Variants in CDIN1 observed in about 807,000 individuals in gnomAD.
The protein encoded by CDIN1 is CDAN1-interacting nuclease 1.
Under a neutral mutation model 45.3 loss-of-function variants are expected in CDIN1, and 33 were observed. The observed-to-expected ratio is 0.73, with a 90% CI of 0.55 to 0.97. CDIN1 has a LOEUF of 0.97. CDIN1 is among the 50% of genes least tolerant of loss of function. The pLI is 0.00. For missense variants in CDIN1, 303 were observed against 339.4 expected, an observed-to-expected ratio of 0.89 and a Z score of 0.84; for synonymous variants, 118 against 124.4, an observed-to-expected ratio of 0.95 and a Z score of 0.34.
chr15:36,706,909 T>C (rs945764396), intron 8 of CDIN1: 3 of 152,164 alleles, frequency 2.0e-5, no homozygotes, highest in African/African-American at 7.2e-5. Flanking sequence ...CGTGTACTTG[T>C]ATTTTACTCA....
rs150697415 is a variant in CDIN1 at position 36,638,391 on chromosome 15, T to C, written c.102-5887T>C. ...AATATTGTTTTATAAAATTAACACT[T>C]ACAGAGGGCCCCGGCATCCTCTATA... is the stretch of plus-strand genomic sequence containing the variant. On this transcript the variant is annotated intron_variant, in intron 1 of 10. Coordinates refer to ENST00000566621, the MANE Select transcript of CDIN1 (RefSeq NM_001321759.2). Among the ~76,000 whole-genome samples the C allele has an allele frequency of 2.9e-3, 439 of 152,306 alleles. 3 individuals carry two copies. Among genetic ancestry groups the C allele is most frequent in the African/African-American group, 0.01 (417 of 41,568 alleles).
At chr15:36,598,660 T>G (rs117858412) in intron 1 of CDIN1, among the ~76,000 whole-genome samples, 1,626 of 152,172 alleles carry the variant, frequency 0.011, 16 homozygotes, top group Non-Finnish European at 0.015. Flanking sequence ...GTCTAATCTA[T>G]TTCCCTCCCT....
Position 36,691,682 on chromosome 15 carries a change from C to A in CDIN1, c.347-3C>A. 2 of 1,584,132 alleles carry A rather than the reference C, an allele frequency of 1.3e-6. No homozygotes were observed. The highest frequency in any genetic ancestry group is 1.7e-6 in the Non-Finnish European group (2 of 1,160,094). ...CTAACAGTTCATCTCTTTTCTTCTA[C>A]AGCCTCCAAGTCTATTATAAATAGT... On this transcript the variant is annotated splice_region_variant and splice_polypyrimidine_tract_variant and intron_variant, in intron 5 of 10. Transcript: ENST00000566621.
chr15:36,690,737 G>A (rs780774472), intron 5 of CDIN1, among the ~76,000 whole-genome samples: 2 of 152,112 alleles, frequency 1.3e-5, no homozygotes, highest in African/African-American at 4.8e-5. Flanking sequence ...CAGACCATAA[G>A]CCATTTTGCT....
chr15:36,702,754 C>T (rs953705229), intron 8 of CDIN1, among the ~76,000 whole-genome samples: 1 of 152,054 alleles, frequency 6.6e-6, no homozygotes, highest in Admixed American at 6.6e-5. Flanking sequence ...TCATTAATAT[C>T]TTTTGTCCTT....
chr15:36,737,647 C>T lies in CDIN1; in HGVS notation c.716+27686C>T, dbSNP rs765640165. 7.2e-5 allele frequency among the ~76,000 whole-genome samples: 11 copies of T among 152,266 alleles called. No individual in the cohort carries two copies. In the South Asian group the frequency reaches 2.3e-3, roughly 32 times the overall value. ...TTAATGACTCTTCATCCTTATTAAG[C>T]AGTTATGGGATCAGATCACTGTACC... On this transcript the variant is annotated intron_variant, in intron 10 of 10. Transcript: ENST00000566621.
chr15:36,618,236 G>A, intron 1 of CDIN1: 1 of 674,186 alleles, frequency 1.5e-6, no homozygotes, highest in Non-Finnish European at 2.7e-6. Flanking sequence ...TCATCCAGTG[G>A]TTCAGAACAC....
At chr15:36,707,334 G>C (rs2042904135) in intron 8 of CDIN1, 2 of 152,188 alleles carry the variant, frequency 1.3e-5, no homozygotes, top group South Asian at 4.1e-4. Context: ...ATGTGAGAGA[G>C]AGAAAGAGAG....
chr15:36,658,999 T>C (rs976766767), intron 5 of CDIN1, among the ~76,000 whole-genome samples: 3 of 152,184 alleles, frequency 2.0e-5, no homozygotes, highest in African/African-American at 7.2e-5. Flanking sequence ...AATGGTATGG[T>C]TTCGATTTAA....
At chr15:36,770,541 C>T (rs536696258) in intron 10 of CDIN1, among the ~76,000 whole-genome samples, 11 of 152,008 alleles carry the variant, frequency 7.2e-5, no homozygotes, top group Non-Finnish European at 1.3e-4. Context: ...CTCTCCCTCC[C>T]GAGTTCAAGC....
chr15:36,626,410 G>A (rs1047508541), intron 1 of CDIN1, among the ~76,000 whole-genome samples: 1 of 151,384 alleles, frequency 6.6e-6, no homozygotes, highest in African/African-American at 2.4e-5. Context: ...AATAGTTCTC[G>A]AGGGGAAAAA....
intron 10 of CDIN1, among the ~76,000 whole-genome samples, chr15:36,725,774 A>G (rs921922575): frequency 1.3e-5 from 2 of 152,110 alleles, no homozygotes; most frequent in Non-Finnish European, 2.9e-5. Context: ...TTAGTATATC[A>G]TGGTGGCATG....
intron 3 of CDIN1, among the ~76,000 whole-genome samples, chr15:36,652,377 T>C (rs1017317603): frequency 6.6e-6 from 1 of 152,044 alleles, no homozygotes; most frequent in South Asian, 2.1e-4. Flanking sequence ...CCAATATTGG[T>C]ATAGGCTTAA....
At chr15:36,664,828 G>GC (rs1420332902) in intron 5 of CDIN1, among the ~76,000 whole-genome samples, 1 of 152,232 alleles carries the variant, frequency 6.6e-6, no homozygotes, top group African/African-American at 2.4e-5. Context: ...TTACAGGCCT[G>GC]AGCCACCGCG....
chr15:36,686,203 A>T (rs1426309820), intron 5 of CDIN1, among the ~76,000 whole-genome samples: 1 of 151,934 alleles, frequency 6.6e-6, no homozygotes, highest in African/African-American at 2.4e-5. Flanking sequence ...AATGTGGCAC[A>T]TATACACCAT....
chr15:36,687,846 A>C (rs145034694), intron 5 of CDIN1, among the ~76,000 whole-genome samples: 1 of 152,288 alleles, frequency 6.6e-6, no homozygotes, highest in African/African-American at 2.4e-5. Flanking sequence ...AAAATTGATC[A>C]CATATAAAAA....
At chr15:36,741,210 CTGATGCA>C (rs1194225666) in intron 10 of CDIN1, among the ~76,000 whole-genome samples, 1 of 152,172 alleles carries the variant, frequency 6.6e-6, no homozygotes, top group Non-Finnish European at 1.5e-5. Context: ...CAGAACCACC[CTGATGCA>C]TGACCTCTAC....
At chr15:36,802,495 C>A (rs1227490871) in intron 10 of CDIN1, among the ~76,000 whole-genome samples, 1 of 152,044 alleles carries the variant, frequency 6.6e-6, no homozygotes, top group Non-Finnish European at 1.5e-5. Context: ...CCTCTAAATT[C>A]CTTCATCTGC....
At chr15:36,651,791 C>T (rs1193894580) in intron 3 of CDIN1, among the ~76,000 whole-genome samples, 2 of 152,162 alleles carry the variant, frequency 1.3e-5, no homozygotes, top group Admixed American at 6.5e-5. Flanking sequence ...GAAGCTTTAA[C>T]AACCTCATAA....
Sources: gnomAD v4.1 joint callset for allele counts (sites outside exome capture counted in the v4.1 genomes callset) on GRCh38, gnomAD v4.1.1 for gene constraint, MANE v1.5 for transcripts, NCBI Gene and HGNC (gene_info 2026-07-23, HGNC 2026-07-21) for gene names.